SRSF10: variants seen among roughly 807,000 people sequenced by gnomAD.
The protein encoded by SRSF10 is serine/arginine-rich splicing factor 10.
In SRSF10, 9 loss-of-function variants were observed where a neutral mutation model predicts 32.6. The observed-to-expected ratio is 0.28, with a 90% CI of 0.17 to 0.48. The LOEUF (loss-of-function observed/expected upper bound fraction) is 0.48, where lower values mean the gene tolerates loss of function less well. SRSF10 is among the 20% of genes least tolerant of loss of function. The pLI is 0.99. For synonymous variants in SRSF10, 105 were observed against 112.4 expected (o/e 0.93, Z 0.42); for missense variants, 201 against 331.8 (o/e 0.61, Z 3.06).
At position 23,971,282 on chromosome 1, in the gene SRSF10, AAT is replaced by A. The variant is rs1641739891; in HGVS notation, c.647_648del (p.His216LeufsTer2). The A allele has an allele frequency of 1.2e-6, 2 of 1,613,694 alleles. No individual in the cohort carries two copies. The highest frequency in any genetic ancestry group is 2.7e-5 in the African/African-American group (2 of 74,874). ...RGTSKTDSKTHYKSGSRYEKE... is the reference protein window; with the variant it reads ...RGTSKTDSKTXYKSGSRYEKE... ...TTTTCATATCTTGAGCCAGACTTATAATGTGTTTTGGAATCTGTTTTAGAGGT... is the reference window on the plus strand; with the variant it reads ...TTTTCATATCTTGAGCCAGACTTATAGTGTTTTGGAATCTGTTTTAGAGGT... On this transcript the variant is annotated frameshift_variant, in exon 6 of 6. Transcript: ENST00000492112. LOFTEE classifies it high-confidence loss of function.
rs1186028882 is a variant in SRSF10, at chr1:23,967,967, A to C, written c.*3175T>G. The C allele has an allele frequency of 6.5e-7, 1 of 1,543,994 alleles. No homozygotes were observed. Among genetic ancestry groups the C allele is most frequent in the Admixed American group, 2.0e-5 (1 of 50,820 alleles). On this transcript the variant is annotated 3_prime_UTR_variant, in exon 6 of 6. Transcript: ENST00000492112. ...TTCTTGCTTACTTGGCTTCAAAAAA[A>C]AAAAAAAAATGCAGAGAGATCTTAA...
chr1:23,971,120 A>G lies in SRSF10; in HGVS notation c.*22T>C, dbSNP rs1390157088. On this transcript the variant is annotated 3_prime_UTR_variant, in exon 6 of 6. Transcript: ENST00000492112. Reference sequence around the variant, plus strand: ...TGAGTAAATGAATGATACATGCCTAAAAATGACCATGGTTTATACTATCAG... The same window carrying G: ...TGAGTAAATGAATGATACATGCCTAGAAATGACCATGGTTTATACTATCAG... 1 of 1,569,542 alleles carries G rather than the reference A, an allele frequency of 6.4e-7. No homozygotes were observed. The highest frequency in any genetic ancestry group is 8.6e-7 in the Non-Finnish European group (1 of 1,162,064).
chr1:23,973,650 T>C (rs1641906381), intron 3 of SRSF10, among the ~76,000 whole-genome samples: 1 of 152,054 alleles, frequency 6.6e-6, no homozygotes, highest in Non-Finnish European at 1.5e-5. Context: ...CTGAAAAAAA[T>C]GACCACTGAA....
At position 23,965,367 on chromosome 1, in the gene SRSF10, C is replaced by T. The variant is rs1297649183; in HGVS notation, c.*5775G>A. The T allele has an allele frequency of 1.3e-5, 2 of 151,924 alleles. No homozygotes were observed. Among genetic ancestry groups the T allele is most frequent in the African/African-American group, 4.8e-5 (2 of 41,424 alleles). 9.4% of individuals were successfully genotyped at this position (151,924 alleles called of 1,614,324 possible). On this transcript the variant is annotated 3_prime_UTR_variant, in exon 6 of 6. Coordinates refer to ENST00000492112, the MANE Select transcript of SRSF10 (RefSeq NM_054016.4). ...CTACAAGAGAATGAGATTTGGAAAG[C>T]CATGCTTAGAGTCTCTGAGCCACAC...
intron 2 of SRSF10, 118 bp from the exon 3 acceptor site, chr1:23,975,195 C>G (rs4649146): frequency 1.6e-5 from 13 of 811,802 alleles, no homozygotes; most frequent in Non-Finnish European, 2.5e-5. Context: ...ATCAACCAGA[C>G]CCCCACTTAC....
chr1:23,971,607 G>C lies in SRSF10; in HGVS notation c.457C>G (p.Pro153Ala), dbSNP rs1486432927. The part of the protein sequence containing the change: ...SPRNSRPTGR[P>A]RRSRSHSDND... ...TCGGAATGGCTTCTGCTACGCCGTGGTCTTCCAGTCGGTCTACTGCTAAAA... is the reference window on the plus strand; with the variant it reads ...TCGGAATGGCTTCTGCTACGCCGTGCTCTTCCAGTCGGTCTACTGCTAAAA... Residue 153 changes from proline to alanine, a missense_variant, in exon 5 of 6, where the codon CCA (proline) becomes GCA (alanine). Transcript: ENST00000492112. 8.7e-6 allele frequency: 14 copies of C among 1,610,902 alleles called. No individual in the cohort carries two copies. In the African/African-American group the frequency reaches 1.9e-4, roughly 22 times the overall value.
intron 2 of SRSF10, 109 bp from the exon 3 acceptor site, chr1:23,975,186 T>C: frequency 1.1e-6 from 1 of 894,038 alleles, no homozygotes; most frequent in South Asian, 1.4e-5. Context: ...TTCCAGAACA[T>C]CAACCAGACC....
chr1:23,978,582 A>C, intron 2 of SRSF10, 131 bp downstream of exon 2: 1 of 1,220,078 alleles, frequency 8.2e-7, no homozygotes, highest in African/African-American at 1.5e-5. Context: ...GTCAGAATTA[A>C]TTTTCAAAAA....
chr1:23,979,951 T>C (rs960513063), intron 1 of SRSF10, among the ~76,000 whole-genome samples: 1 of 132,394 alleles, frequency 7.6e-6, no homozygotes, highest in African/African-American at 2.8e-5. Flanking sequence ...GGCTGCAAAC[T>C]GCGGAGGGGG....
At chr1:23,979,699 G>A (rs1325194894) in intron 1 of SRSF10, among the ~76,000 whole-genome samples, 8 of 152,032 alleles carry the variant, frequency 5.3e-5, no homozygotes, top group Non-Finnish European at 1.2e-4. Flanking sequence ...ACCTCCAACT[G>A]ATTAAAACCC....
In SRSF10 at chr1:23,971,588, T is replaced by C. The variant is rs1375730021; in HGVS notation, c.476A>G (p.His159Arg). The change falls in exon 5 of 6, where the codon CAT (histidine) becomes CGT (arginine). Residue 159 changes from histidine to arginine, a missense_variant. Around this residue, in one of 3 missense-constraint regions of SRSF10, gnomAD observed 159 missense variants for 196.7 expected, o/e 0.81. Transcript: ENST00000492112. ...AGTTATTTACCTATCATTGTCGGAA[T>C]GGCTTCTGCTACGCCGTGGTCTTCC... ...PTGRPRRSRS[H>R]SDNDRFKHRN... 7 of 1,610,588 alleles carry C rather than the reference T, an allele frequency of 4.3e-6. No individual in the cohort carries two copies. The highest frequency in any genetic ancestry group is 1.3e-5 in the African/African-American group (1 of 74,844).
chr1:23,974,721 C>T (rs1035656800), intron 3 of SRSF10, among the ~76,000 whole-genome samples: 7 of 151,662 alleles, frequency 4.6e-5, no homozygotes, highest in Non-Finnish European at 7.4e-5. Context: ...CCCAGCTACT[C>T]GGAAGGTTGA....
At position 23,964,651 on chromosome 1, in the gene SRSF10, A is replaced by G. The variant is rs1040896507; in HGVS notation, c.*6491T>C. On this transcript the variant is annotated 3_prime_UTR_variant, in exon 6 of 6. Coordinates refer to ENST00000492112, the MANE Select transcript of SRSF10 (RefSeq NM_054016.4). ...GAAAAAACCTGAAAGGTTTTGTGTA[A>G]GTTTCAGTTTCTAGTATTTTGGTTG... Among the ~76,000 whole-genome samples, 17 of 152,158 alleles carry G rather than the reference A, an allele frequency of 1.1e-4. No homozygotes were observed. The highest frequency in any genetic ancestry group is 3.9e-4 in the African/African-American group (16 of 41,554).
chr1:23,971,305 G>A lies in SRSF10; in HGVS notation c.626C>T (p.Ser209Phe). Residue 209 changes from serine to phenylalanine, a missense_variant, in exon 6 of 6, where the codon TCT becomes TTT. Transcript: ENST00000492112. ...SASHTKTRGT[S>F]KTDSKTHYKS... ...ATAATGTGTTTTGGAATCTGTTTTA[G>A]AGGTGCCTCTAGTTTTGGTGTGAGA... The A allele has an allele frequency of 6.2e-7, 1 of 1,613,502 alleles. No individual in the cohort carries two copies. The highest frequency in any genetic ancestry group is 8.5e-7 in the Non-Finnish European group (1 of 1,179,882).
chr1:23,968,021 C>T lies in SRSF10; in HGVS notation c.*3121G>A. The T allele has an allele frequency of 6.5e-7, 1 of 1,534,258 alleles. No homozygotes were observed. Among genetic ancestry groups the T allele is most frequent in the Non-Finnish European group, 8.7e-7 (1 of 1,145,380 alleles). On this transcript the variant is annotated 3_prime_UTR_variant, in exon 6 of 6. Transcript: ENST00000492112. ...AAAGGAGAGGTGAAGTGTGTCAGCC[C>T]TCATTTGAGTGTTGATATAACCATT...
In SRSF10 at chr1:23,967,898, G is replaced by A; in HGVS notation, c.*3244C>T. 1.1e-5 allele frequency: 17 copies of A among 1,547,754 alleles called. No homozygotes were observed. Among genetic ancestry groups the A allele is most frequent in the Non-Finnish European group, 1.4e-5 (16 of 1,146,416 alleles). ...TGTAACTTAACAGCTCATACTCTAT[G>A]TAGCACCTTTCCTCTCTCACTGAAG... On this transcript the variant is annotated 3_prime_UTR_variant, in exon 6 of 6. Coordinates refer to ENST00000492112, the MANE Select transcript of SRSF10 (RefSeq NM_054016.4).
At position 23,964,823 on chromosome 1, in the gene SRSF10, C is replaced by G. The variant is rs1641374342; in HGVS notation, c.*6319G>C. 1 of 151,906 alleles carries G rather than the reference C, an allele frequency of 6.6e-6. No individual in the cohort carries two copies. Among genetic ancestry groups the G allele is most frequent in the South Asian group, 2.1e-4 (1 of 4,836 alleles). 9.4% of individuals were successfully genotyped at this position (151,906 alleles called of 1,614,324 possible). A position where few individuals can be genotyped will look rare whatever the true frequency, so the allele number is the denominator to read the frequency against. On this transcript the variant is annotated 3_prime_UTR_variant, in exon 6 of 6. Transcript: ENST00000492112. ...CCAAGATTTATTTTTGGCTCCTAGA[C>G]CAGTTTATTTCACTTTCCAGCATTC...
At chr1:23,974,036 G>A (rs1641931540) in intron 3 of SRSF10, among the ~76,000 whole-genome samples, 2 of 148,030 alleles carry the variant, frequency 1.4e-5, no homozygotes, top group Middle Eastern at 3.2e-3. Flanking sequence ...CTGTTGCCCA[G>A]TCTGGAGTGC....
chr1:23,975,113 A>C, intron 2 of SRSF10, 36 bp from the exon 3 acceptor site: 2 of 1,534,642 alleles, frequency 1.3e-6, no homozygotes, highest in South Asian at 2.2e-5. Flanking sequence ...AGTTTTGCAA[A>C]CTTTGATAAT....
Sources: gnomAD v4.1 joint callset for allele counts (sites outside exome capture counted in the v4.1 genomes callset) on GRCh38, gnomAD v4.1.1 for gene constraint, gnomAD v4.1.1 regional missense constraint, MANE v1.5 for transcripts, NCBI Gene and HGNC (gene_info 2026-07-23, HGNC 2026-07-21) for gene names.